Variants in WNK2 observed in about 807,000 individuals in gnomAD.
WNK2 encodes the protein serine/threonine-protein kinase WNK2.
A neutral mutation model predicts 192.1 loss-of-function variants in WNK2; 67 were observed. The ratio of observed to expected loss-of-function variants is 0.35; its 90% confidence interval spans 0.29 to 0.43. WNK2 has a LOEUF of 0.43. Ranked by LOEUF, WNK2 falls within the 20% of genes least tolerant of loss-of-function variation. The pLI is 1.00. For synonymous variants in WNK2, 1,439 were observed against 1,393.9 expected (o/e 1.03, Z -0.72); for missense variants, 2,698 against 3,089.7 (o/e 0.87, Z 3.01).
intron 14 of WNK2, chr9:93,263,154 C>G (rs745685535): frequency 8.0e-6 from 3 of 373,370 alleles, no homozygotes; most frequent in Non-Finnish European, 1.5e-5. Context: ...GAACTGTGAC[C>G]ATTTGTTCCA....
chr9:93,229,981 G>A lies in WNK2; in HGVS notation c.854+113G>A, dbSNP rs895285186. ...TGGTCCTGGCTGGTGCCTGTGGGAG[G>A]CTGTCTCCTCTTTCCTCTCCTGCAT... is the stretch of plus-strand genomic sequence containing the variant. On this transcript the variant is annotated intron_variant, in intron 3 of 29. Transcript: ENST00000427277. The surrounding 1 kb of genome is among the most constrained non-coding windows in gnomAD (Gnocchi z 4.9). 3 of 1,340,756 alleles carry A rather than the reference G, an allele frequency of 2.2e-6. No individual in the cohort carries two copies. 83.1% of individuals were successfully genotyped at this position (1,340,756 alleles called of 1,614,324 possible).
intron 4 of WNK2, among the ~76,000 whole-genome samples, chr9:93,232,586 A>G (rs10992686): frequency 0.16 from 24,488 of 152,026 alleles, 2,191 homozygotes; most frequent in East Asian, 0.26. Flanking sequence ...AGGAGTGAAC[A>G]CTCCTGGAGG....
chr9:93,213,614 A>G (rs138997769), intron 2 of WNK2, among the ~76,000 whole-genome samples: 46 of 152,240 alleles, frequency 3.0e-4, no homozygotes, highest in African/African-American at 1.1e-3. Context: ...ACATGGAGAA[A>G]CCCTGTCTCG....
rs141654024 is a variant in WNK2 at position 93,216,090 on chromosome 9, C to A, written c.682-13606C>A. On this transcript the variant is annotated intron_variant, in intron 2 of 29. Coordinates refer to ENST00000427277, the MANE Select transcript of WNK2 (RefSeq NM_006648.4). Reference sequence around the variant, plus strand: ...GGTCTGTTCTGTTTTATCCAGACTTCTAGTATACAGCCCTTCTGGAAGGGC... The same window carrying A: ...GGTCTGTTCTGTTTTATCCAGACTTATAGTATACAGCCCTTCTGGAAGGGC... 1.0e-3 allele frequency among the ~76,000 whole-genome samples: 156 copies of A among 152,272 alleles called. 2 individuals are homozygous for A. In the East Asian group the frequency reaches 0.026, roughly 26 times the overall value.
At chr9:93,286,819 T>G (rs530546757) in intron 19 of WNK2, among the ~76,000 whole-genome samples, 1 of 152,370 alleles carries the variant, frequency 6.6e-6, no homozygotes, top group South Asian at 2.1e-4. Context: ...AGTGGAGTAC[T>G]GTTTAACCAC....
chr9:93,298,912 A>T (rs1326423295), intron 24 of WNK2, among the ~76,000 whole-genome samples, 158 bp from the exon 25 acceptor site: 2 of 151,328 alleles, frequency 1.3e-5, no homozygotes, highest in Non-Finnish European at 2.9e-5. Context: ...CTTCCCCATC[A>T]CTCCTCTGTG....
chr9:93,284,905 T>C (rs559065517), intron 19 of WNK2, among the ~76,000 whole-genome samples: 3 of 152,350 alleles, frequency 2.0e-5, no homozygotes, highest in African/African-American at 4.8e-5. Flanking sequence ...TGATACCAAC[T>C]TGAGGTTGGT....
Position 93,252,130 on chromosome 9 carries a change from G to A in WNK2, c.1835-753G>A, listed in dbSNP as rs115138024. On this transcript the variant is annotated intron_variant, in intron 8 of 29. Transcript: ENST00000427277. The stretch of plus-strand genomic sequence containing the variant: ...AAAGTACCATTTCAGACAGGTTTTC[G>A]TTTTCCCCTCTGCTGGCATGACCCC... Among the ~76,000 whole-genome samples the A allele has an allele frequency of 6.6e-3, 1,011 of 152,290 alleles. 11 individuals are homozygous for A. The highest frequency in any genetic ancestry group is 0.023 in the African/African-American group (963 of 41,562).
At chr9:93,289,730 G>C (rs1341630224) in intron 20 of WNK2, 110 bp downstream of exon 20, 1 of 1,164,972 alleles carries the variant, frequency 8.6e-7, no homozygotes, top group Non-Finnish European at 1.2e-6. Flanking sequence ...CCCTCACTCA[G>C]GGCCCGTCCC....
intron 5 of WNK2, among the ~76,000 whole-genome samples, chr9:93,236,262 G>A (rs536149139): frequency 6.6e-6 from 1 of 152,242 alleles, no homozygotes; most frequent in Admixed American, 6.5e-5. Flanking sequence ...CTGTCCTGAA[G>A]CTGTCCCAGG....
At chr9:93,236,730 G>A (rs1178318058) in intron 5 of WNK2, among the ~76,000 whole-genome samples, 4 of 152,344 alleles carry the variant, frequency 2.6e-5, no homozygotes, top group African/African-American at 7.2e-5. Flanking sequence ...CAACAAAGCC[G>A]CATGGCCTGG....
chr9:93,239,702 T>A lies in WNK2; in HGVS notation c.1323-55T>A. On this transcript the variant is annotated intron_variant, in intron 6 of 29. Coordinates refer to ENST00000427277, the MANE Select transcript of WNK2 (RefSeq NM_006648.4). This position sits in a 1 kb window ranked among gnomAD's most constrained non-coding sequence, Gnocchi z 4.2. ...CCTGGTGCGCATGGACACAGGAGCC[T>A]GGGCATGGAGGCCCTGGCGCCCGTG... is the stretch of plus-strand genomic sequence containing the variant. The A allele has an allele frequency of 6.8e-7, 1 of 1,471,026 alleles. No homozygotes were observed. Among genetic ancestry groups the A allele is most frequent in the East Asian group, 2.5e-5 (1 of 40,270 alleles). The allele number at this position is 1,471,026 out of a possible 1,614,324, so 91.1% of individuals were successfully genotyped here. A position where few individuals can be genotyped will look rare whatever the true frequency, so the allele number is the denominator to read the frequency against.
Position 93,290,332 on chromosome 9 carries a change from C to CTT in WNK2, c.4936+298_4936+299dup, listed in dbSNP as rs376431200. On this transcript the variant is annotated intron_variant, in intron 21 of 29. Coordinates refer to ENST00000427277, the MANE Select transcript of WNK2 (RefSeq NM_006648.4). Reference sequence around the variant, plus strand: ...CACAAATTGTTAAGCTTCTTATGAGCTTTTTTTTTTTTTTCAATTTTTTAA... The same window carrying CTT: ...CACAAATTGTTAAGCTTCTTATGAGCTTTTTTTTTTTTTTTTCAATTTTTTAA... Among the ~76,000 whole-genome samples the CTT allele has an allele frequency of 4.1e-4, 57 of 138,814 alleles. 1 individual carries two copies. Among genetic ancestry groups the CTT allele is most frequent in the African/African-American group, 1.3e-3 (51 of 37,984 alleles). 91.1% of individuals were successfully genotyped at this position (138,814 alleles called of 152,430 possible). A position where few individuals can be genotyped will look rare whatever the true frequency, so the allele number is the denominator to read the frequency against.
intron 21 of WNK2, among the ~76,000 whole-genome samples, chr9:93,290,712 C>T (rs377361132): frequency 2.6e-5 from 4 of 152,196 alleles, no homozygotes; most frequent in African/African-American, 7.2e-5. Flanking sequence ...CAGAGCAGTG[C>T]GGTGGGGGGG....
intron 2 of WNK2, among the ~76,000 whole-genome samples, chr9:93,201,700 C>A (rs1409152420): frequency 6.6e-6 from 1 of 152,242 alleles, no homozygotes; most frequent in Non-Finnish European, 1.5e-5. Flanking sequence ...GGACCCGTGT[C>A]TCCCCCGTGT....
At chr9:93,306,401 C>T (rs1468477870) in intron 26 of WNK2, among the ~76,000 whole-genome samples, 1 of 152,256 alleles carries the variant, frequency 6.6e-6, no homozygotes, top group East Asian at 1.9e-4. Flanking sequence ...GCAGGGTGTC[C>T]TGCCTCCATC....
chr9:93,300,103 C>G lies in WNK2; in HGVS notation c.6168C>G (p.Ser2056Arg). The G allele has an allele frequency of 6.2e-7, 1 of 1,613,540 alleles. No individual in the cohort carries two copies. Among genetic ancestry groups the G allele is most frequent in the Non-Finnish European group, 8.5e-7 (1 of 1,179,788 alleles). ...AGAGAGTGACCTATAAGTCTAGTAGCAAACCTCGTGCTCGATTCCTCAGTG... is the reference window on the plus strand; with the variant it reads ...AGAGAGTGACCTATAAGTCTAGTAGGAAACCTCGTGCTCGATTCCTCAGTG... ...TSERVTYKSS[S>R]KPRARFLSGP... Residue 2056 changes from serine (S) to arginine (R), a missense_variant, in exon 26 of 30, where the codon AGC becomes AGG. Ser to Arg is a moderately radical substitution (Grantham distance 110). Transcript: ENST00000427277.
At chr9:93,241,277 G>A (rs1430410126) in intron 7 of WNK2, among the ~76,000 whole-genome samples, 1 of 152,212 alleles carries the variant, frequency 6.6e-6, no homozygotes, top group Non-Finnish European at 1.5e-5. Context: ...AGTCACAACG[G>A]GGAAGACCAG....
chr9:93,242,240 A>G (rs1293957770), intron 7 of WNK2, among the ~76,000 whole-genome samples: 2 of 152,122 alleles, frequency 1.3e-5, no homozygotes, highest in African/African-American at 4.8e-5. Flanking sequence ...TGGCTGCACT[A>G]TCACCGCAGA....
Sources: gnomAD v4.1 joint callset for allele counts (sites outside exome capture counted in the v4.1 genomes callset) on GRCh38, gnomAD v4.1.1 for gene constraint, Gnocchi (gnomAD v3.1) non-coding constraint, MANE v1.5 for transcripts, NCBI Gene and HGNC (gene_info 2026-07-23, HGNC 2026-07-21) for gene names.